Variants in TNXB observed in about 807,000 individuals in gnomAD.
TNXB encodes tenascin XB.
TNXB carries 183 observed loss-of-function variants against 340.5 expected under a neutral mutation model. The observed-to-expected ratio is 0.54, with a 90% CI of 0.48 to 0.61. TNXB has a LOEUF of 0.61. TNXB is among the 20% of genes least tolerant of loss of function. TNXB has a pLI of 0.00. For synonymous variants in TNXB, 2,121 were observed against 2,314.5 expected (o/e 0.92, Z 2.40); for missense variants, 4,613 against 5,446.4 (o/e 0.85, Z 4.82).
At position 32,043,170 on chromosome 6, in the gene TNXB, C is replaced by A; in HGVS notation, c.11794+5G>T. On this transcript the variant is annotated splice_donor_5th_base_variant and intron_variant, in intron 37 of 43. Transcript: ENST00000644971. ...TCCCTGTCCCACACACCCCACAGAC[C>A]CTACCTGTGGTGAAGGTGATGCTGG... is the stretch of plus-strand genomic sequence containing the variant. 4.8e-6 allele frequency: 1 copy of A among 210,216 alleles called. No homozygotes were observed. The allele number at this position is 210,216 out of a possible 1,614,324, so 13.0% of individuals were successfully genotyped here.
chr6:32,041,157 G>A lies in TNXB; in HGVS notation c.*192C>T, dbSNP rs772066433. 2.5e-5 allele frequency: 39 copies of A among 1,577,030 alleles called. No individual in the cohort carries two copies. The East Asian group carries it at 2.9e-4, about 12-fold the overall frequency. On this transcript the variant is annotated 3_prime_UTR_variant, in exon 44 of 44. Coordinates refer to ENST00000644971, the MANE Select transcript of TNXB (RefSeq NM_001365276.2). The stretch of plus-strand genomic sequence containing the variant: ...TGATGGGGCAGGACCGATGCCAGCC[G>A]GGTACCTCAGTTTCTCCTTTATTGC...
chr6:32,095,485 T>A, intron 3 of TNXB, 126 bp downstream of exon 3: 1 of 1,246,254 alleles, frequency 8.0e-7, no homozygotes, highest in Non-Finnish European at 1.1e-6. Flanking sequence ...CTGCTGCCCC[T>A]GGTGGGCACT....
intron 11 of TNXB, among the ~76,000 whole-genome samples, chr6:32,078,073 G>A (rs997630278): frequency 8.0e-6 from 1 of 125,006 alleles, no homozygotes; most frequent in Non-Finnish European, 1.6e-5. Flanking sequence ...CAGAAAGAAA[G>A]AGAAAGAAAG....
chr6:32,078,096 A>AAAGAAAGAAAGG (rs1779193097), intron 11 of TNXB, among the ~76,000 whole-genome samples: 1 of 136,672 alleles, frequency 7.3e-6, no homozygotes, highest in Non-Finnish European at 1.5e-5. Context: ...AGAAAGAAAG[A>AAAGAAAGAAAGG]AAGAAAGAAA....
rs1325514036 is a variant in TNXB at position 32,068,779 on chromosome 6, C to G, written c.5902+43G>C. On this transcript the variant is annotated intron_variant, in intron 16 of 43. Transcript: ENST00000644971. The surrounding 1 kb of genome is among the most constrained non-coding windows in gnomAD (Gnocchi z 5.3). The stretch of plus-strand genomic sequence containing the variant: ...GCGGGACTCTGCTGTCCTCTGGACT[C>G]TCCCAGCCATCTGAAAGGAGGCATA... 6.3e-7 allele frequency: 1 copy of G among 1,592,324 alleles called. No individual in the cohort carries two copies. The highest frequency in any genetic ancestry group is 8.6e-7 in the Non-Finnish European group (1 of 1,167,022).
chr6:32,105,458 T>C (rs1780932095), intron 1 of TNXB, among the ~76,000 whole-genome samples: 1 of 152,190 alleles, frequency 6.6e-6, no homozygotes, highest in Admixed American at 6.5e-5. Context: ...GACTATAAAG[T>C]CCATGAGGGC....
chr6:32,064,982 T>C lies in TNXB; in HGVS notation c.6680A>G (p.Gln2227Arg). ...GGGCTGCCCGTCCCCATTCTTAAACTGGACCAAGAAATGGTCAAACTGGCC... is the reference window on the plus strand; with the variant it reads ...GGGCTGCCCGTCCCCATTCTTAAACCGGACCAAGAAATGGTCAAACTGGCC... ...PEGQFDHFLVQFKNGDGQPKA... is the reference protein window; with the variant it reads ...PEGQFDHFLVRFKNGDGQPKA... The change falls in exon 19 of 44, where the codon CAG becomes CGG. Residue 2227 changes from glutamine (Q) to arginine (R), a missense_variant. This residue lies in a region of TNXB where 4,327 missense variants were observed against 4,859.4 expected (regional missense o/e 0.89). Coordinates refer to ENST00000644971, the MANE Select transcript of TNXB (RefSeq NM_001365276.2). This position sits in a 1 kb window ranked among gnomAD's most constrained non-coding sequence, Gnocchi z 5.3. 1 of 1,612,712 alleles carries C rather than the reference T, an allele frequency of 6.2e-7. No homozygotes were observed. The highest frequency in any genetic ancestry group is 8.5e-7 in the Non-Finnish European group (1 of 1,179,766).
Position 32,070,406 on chromosome 6 carries a change from C to T in TNXB, c.4999G>A (p.Gly1667Ser). Residue 1667 changes from glycine (G) to serine (S), a missense_variant, in exon 14 of 44, where the codon GGT becomes AGT. Gly to Ser is a moderately conservative substitution (Grantham distance 56). Transcript: ENST00000644971. This position sits in a 1 kb window ranked among gnomAD's most constrained non-coding sequence, Gnocchi z 6.0. ...VSVEAKTVARGDASPGAPPRL... is the reference protein window; with the variant it reads ...VSVEAKTVARSDASPGAPPRL... ...GGTGGGGCCCCTGGGCTGGCGTCAC[C>T]TCGGGCAACTGGAGAGGAAAGGTTC... is the stretch of plus-strand genomic sequence containing the variant. 1.3e-6 allele frequency: 2 copies of T among 1,588,394 alleles called. No individual in the cohort carries two copies. The highest frequency in any genetic ancestry group is 1.7e-6 in the Non-Finnish European group (2 of 1,164,762).
At position 32,070,351 on chromosome 6, in the gene TNXB, G is replaced by T; in HGVS notation, c.5054C>A (p.Pro1685His). 6.2e-7 allele frequency: 1 copy of T among 1,608,630 alleles called. No individual in the cohort carries two copies. Among genetic ancestry groups the T allele is most frequent in the South Asian group, 1.1e-5 (1 of 90,072 alleles). ...PRLGELWVTD[P>H]TPDSLRLSWT... Reference sequence around the variant, plus strand: ...GGAGAGGCGCAGTGAGTCTGGGGTGGGGTCTGTCACCCACAGCTCCCCAAG... The same window carrying T: ...GGAGAGGCGCAGTGAGTCTGGGGTGTGGTCTGTCACCCACAGCTCCCCAAG... Residue 1685 changes from proline (P) to histidine (H), a missense_variant, in exon 14 of 44, where the codon CCC becomes CAC. Physicochemically the swap from Pro to His is moderately conservative, Grantham distance 77. This residue lies in a region of TNXB where 4,327 missense variants were observed against 4,859.4 expected (regional missense o/e 0.89). Transcript: ENST00000644971. This position sits in a 1 kb window ranked among gnomAD's most constrained non-coding sequence, Gnocchi z 6.0.
intron 21 of TNXB, among the ~76,000 whole-genome samples, chr6:32,060,557 C>T (rs760701090): frequency 1.3e-5 from 2 of 151,900 alleles, no homozygotes; most frequent in South Asian, 2.1e-4. Flanking sequence ...TCAGGCAACC[C>T]GTGGGATGTG....
In TNXB at chr6:32,095,934, G is replaced by A. The variant is rs750941884; in HGVS notation, c.1919C>T (p.Pro640Leu). 53 of 1,612,934 alleles carry A rather than the reference G, an allele frequency of 3.3e-5. 2 individuals carry two copies. Among genetic ancestry groups the A allele is most frequent in the Non-Finnish European group, 2.9e-5 (34 of 1,179,692 alleles). Reference sequence around the variant, plus strand: ...GGCACAGGTAGGGCCGGTGTAGCCTGGGTCGCACAGGCAGCGCCCTTCCTC... The same window carrying A: ...GGCACAGGTAGGGCCGGTGTAGCCTAGGTCGCACAGGCAGCGCCCTTCCTC... The part of the protein sequence containing the change: ...RCEEGRCLCD[P>L]GYTGPTCATR... Residue 640 changes from proline (P) to leucine (L), a missense_variant, in exon 3 of 44, where the codon CCA becomes CTA. Transcript: ENST00000644971.
chr6:32,089,024 C>G lies in TNXB; in HGVS notation c.2540G>C (p.Arg847Pro). ...TGTTGTCGGTGTCACAGCCACCACT[C>G]GGAGGTCCTGGGGCCCATCGATCAC... ...TTMIDGPQDL[R>P]VVAVTPTTLE... The change falls in exon 6 of 44, where the codon CGA becomes CCA. Residue 847 changes from arginine (R) to proline (P), a missense_variant. Physicochemically the swap from Arg to Pro is moderately radical, Grantham distance 103. Coordinates refer to ENST00000644971, the MANE Select transcript of TNXB (RefSeq NM_001365276.2). This position sits in a 1 kb window ranked among gnomAD's most constrained non-coding sequence, Gnocchi z 6.2. 1 of 1,610,702 alleles carries G rather than the reference C, an allele frequency of 6.2e-7. No homozygotes were observed. The highest frequency in any genetic ancestry group is 8.5e-7 in the Non-Finnish European group (1 of 1,178,816).
Position 32,070,219 on chromosome 6 carries a change from G to A in TNXB, c.5186C>T (p.Thr1729Ile), listed in dbSNP as rs780774341. ...GTACTTGCGGCCGGCATCCAGAGGG[G>A]TGACAGTGACAGAGCGCTCATGGCC... is the stretch of plus-strand genomic sequence containing the variant. ...VEGHERSVTV[T>I]PLDAGRKYRF... The change falls in exon 14 of 44, where the codon ACC becomes ATC. Residue 1729 changes from threonine (T) to isoleucine (I), a missense_variant. Physicochemically the swap from Thr to Ile is moderately conservative, Grantham distance 89. This residue lies in a region of TNXB where 4,327 missense variants were observed against 4,859.4 expected (regional missense o/e 0.89). Transcript: ENST00000644971. This position sits in a 1 kb window ranked among gnomAD's most constrained non-coding sequence, Gnocchi z 6.0. 63 of 1,612,620 alleles carry A rather than the reference G, an allele frequency of 3.9e-5. No individual in the cohort carries two copies. The highest frequency in any genetic ancestry group is 1.6e-4 in the African/African-American group (12 of 74,886).
chr6:32,084,198 C>T lies in TNXB; in HGVS notation c.3445+215G>A, dbSNP rs1779634264. Among the ~76,000 whole-genome samples the T allele has an allele frequency of 6.6e-6, 1 of 152,160 alleles. No individual in the cohort carries two copies. The highest frequency in any genetic ancestry group is 2.4e-5 in the African/African-American group (1 of 41,432). On this transcript the variant is annotated intron_variant, in intron 8 of 43. Coordinates refer to ENST00000644971, the MANE Select transcript of TNXB (RefSeq NM_001365276.2). The surrounding 1 kb of genome is among the most constrained non-coding windows in gnomAD (Gnocchi z 5.5). The stretch of plus-strand genomic sequence containing the variant: ...ACTGTAACAGTGATTCTCTTACTGG[C>T]CATGCTCTCCCCACCTTACTCACCG...
intron 4 of TNXB, among the ~76,000 whole-genome samples, chr6:32,091,132 G>A (rs1049129072): frequency 6.6e-6 from 1 of 152,076 alleles, no homozygotes; most frequent in African/African-American, 2.4e-5. Flanking sequence ...TTTTTTGAGA[G>A]GGAGTTTTGC....
Position 32,085,695 on chromosome 6 carries a change from C to G in TNXB, c.3148+55G>C, listed in dbSNP as rs1779723699. The G allele has an allele frequency of 4.7e-6, 7 of 1,485,578 alleles. No individual in the cohort carries two copies. Among genetic ancestry groups the G allele is most frequent in the Non-Finnish European group, 6.3e-6 (7 of 1,117,756 alleles). The allele number at this position is 1,485,578 out of a possible 1,614,324, so 92.0% of individuals were successfully genotyped here. ...CATCCTACCTCTGAAGTCCCAATAA[C>G]CCCAGCTCCTCCCCCAATCTCAGGA... On this transcript the variant is annotated intron_variant, in intron 7 of 43. Coordinates refer to ENST00000644971, the MANE Select transcript of TNXB (RefSeq NM_001365276.2). The surrounding 1 kb of genome is among the most constrained non-coding windows in gnomAD (Gnocchi z 6.4).
chr6:32,083,350 A>G lies in TNXB; in HGVS notation c.3446-1024T>C, dbSNP rs1779587192. 1.3e-5 allele frequency among the ~76,000 whole-genome samples: 2 copies of G among 152,088 alleles called. No homozygotes were observed. The highest frequency in any genetic ancestry group is 6.6e-5 in the Admixed American group (1 of 15,266). On this transcript the variant is annotated intron_variant, in intron 8 of 43. Transcript: ENST00000644971. This position sits in a 1 kb window ranked among gnomAD's most constrained non-coding sequence, Gnocchi z 4.6. ...CCCACACGACTACTCTGGTGCCTCA[A>G]TTCTCCTGACCTATAAAGTAGGCAT...
intron 4 of TNXB, among the ~76,000 whole-genome samples, chr6:32,092,383 T>C (rs897245490): frequency 3.9e-5 from 6 of 152,220 alleles, no homozygotes; most frequent in African/African-American, 1.2e-4. Context: ...TAACTAGGTA[T>C]GTCCCTTGAT....
At chr6:32,055,122 G>A (rs1007142378) in intron 24 of TNXB, among the ~76,000 whole-genome samples, 2 of 152,158 alleles carry the variant, frequency 1.3e-5, no homozygotes, top group Non-Finnish European at 2.9e-5. Context: ...TGAGACGCCC[G>A]GTAATAGGGT....
Sources: gnomAD v4.1 joint callset for allele counts (sites outside exome capture counted in the v4.1 genomes callset) on GRCh38, gnomAD v4.1.1 for gene constraint, gnomAD v4.1.1 regional missense constraint, Gnocchi (gnomAD v3.1) non-coding constraint, MANE v1.5 for transcripts, NCBI Gene and HGNC (gene_info 2026-07-23, HGNC 2026-07-21) for gene names.